MEGF6: variants seen among roughly 807,000 people sequenced by gnomAD.
MEGF6 encodes the protein multiple EGF like domains 6, also known as multiple epidermal growth factor-like domains protein 6.
MEGF6 carries 184 observed loss-of-function variants against 207.1 expected under a neutral mutation model. That is an observed-to-expected ratio of 0.89 (90% CI 0.79 to 1.00). The LOEUF (loss-of-function observed/expected upper bound fraction) is 1.00, where lower values mean the gene tolerates loss of function less well. Among genes scored for constraint, MEGF6 ranks in the 50% least tolerant of loss-of-function variants. The probability of loss-of-function intolerance (pLI) is 0.00; values close to 1 mark genes in which losing one functional copy is unlikely to be tolerated. For missense variants in MEGF6, 2,282 were observed against 2,202.9 expected, an observed-to-expected ratio of 1.04 and a Z score of -0.72; for synonymous variants, 1,038 against 910.0, an observed-to-expected ratio of 1.14 and a Z score of -2.53.
intron 4 of MEGF6, among the ~76,000 whole-genome samples, chr1:3,574,734 C>T (rs952780182): frequency 6.6e-6 from 1 of 152,198 alleles, no homozygotes; most frequent in African/African-American, 2.4e-5. Flanking sequence ...CCTCCACCTC[C>T]CAGGTTCAAT....
Position 3,511,568 on chromosome 1 carries a change from C to G in MEGF6, c.1096G>C (p.Asp366His). The change falls in exon 9 of 37, where the codon GAT becomes CAT. Residue 366 changes from aspartate to histidine, a missense_variant. By Grantham distance (81) the Asp-to-His change is moderately conservative. Transcript: ENST00000356575. ...TGCGCACCGATGCAGGTCCTCTGAT[C>G]TGTGTCCAGCTCGTAGCCGCGGGGA... is the stretch of plus-strand genomic sequence containing the variant. The part of the protein sequence containing the change: ...TCPRGYELDT[D>H]QRTCIDVDDC... The G allele has an allele frequency of 6.2e-7, 1 of 1,610,882 alleles. No homozygotes were observed. The highest frequency in any genetic ancestry group is 8.5e-7 in the Non-Finnish European group (1 of 1,178,440).
Position 3,611,233 on chromosome 1 carries a change from G to C in MEGF6, c.36C>G (p.Arg12=). 1 of 1,535,262 alleles carries C rather than the reference G, an allele frequency of 6.5e-7. No homozygotes were observed. Among genetic ancestry groups the C allele is most frequent in the South Asian group, 1.2e-5 (1 of 83,788 alleles). The change falls in exon 1 of 37, where the codon CGC becomes CGG. Residue 12 remains arginine, a synonymous_variant. Transcript: ENST00000356575. ...SFLEEARAAG[R]AVVLALVLLL... ...GCAGCACCAACGCCAGGACCACCGCGCGCCCCGCTGCCCTCGCCTCTTCAA... is the reference window on the plus strand; with the variant it reads ...GCAGCACCAACGCCAGGACCACCGCCCGCCCCGCTGCCCTCGCCTCTTCAA...
intron 2 of MEGF6, among the ~76,000 whole-genome samples, chr1:3,599,649 C>T (rs1256124464): frequency 6.6e-6 from 1 of 152,220 alleles, no homozygotes; most frequent in East Asian, 1.9e-4. Context: ...GTCACCCAGT[C>T]GTGTGACGGT....
intron 4 of MEGF6, among the ~76,000 whole-genome samples, chr1:3,558,431 T>C (rs1643097528): frequency 6.6e-6 from 1 of 152,186 alleles, no homozygotes; most frequent in African/African-American, 2.4e-5. Flanking sequence ...GGCCAGGAGT[T>C]CAATATGTTG....
intron 4 of MEGF6, among the ~76,000 whole-genome samples, chr1:3,571,233 A>C (rs1358062387): frequency 6.6e-6 from 1 of 152,116 alleles, no homozygotes; most frequent in Non-Finnish European, 1.5e-5. Flanking sequence ...AACCCAGAAC[A>C]GCCAGGAAGG....
At chr1:3,593,503 T>C (rs1570220780) in intron 3 of MEGF6, among the ~76,000 whole-genome samples, 1 of 134,264 alleles carries the variant, frequency 7.4e-6, no homozygotes, top group Non-Finnish European at 1.6e-5. Context: ...GGCTGTGCCT[T>C]CAAGTCCCCT....
chr1:3,553,360 C>G (rs1211617144), intron 4 of MEGF6, among the ~76,000 whole-genome samples: 2 of 151,944 alleles, frequency 1.3e-5, no homozygotes, highest in Non-Finnish European at 2.9e-5. Flanking sequence ...GGGTCTTTTC[C>G]TGAGAGTCTT....
chr1:3,578,832 A>G (rs1042649319), intron 4 of MEGF6, among the ~76,000 whole-genome samples: 25 of 149,008 alleles, frequency 1.7e-4, no homozygotes, highest in East Asian at 1.0e-3. Flanking sequence ...AGTGGGCAGG[A>G]GTGTCACCCA....
chr1:3,598,629 C>T (rs79675089), intron 2 of MEGF6, among the ~76,000 whole-genome samples: 7,901 of 151,978 alleles, frequency 0.052, 714 homozygotes, highest in African/African-American at 0.18. Context: ...GACCAGCCCT[C>T]CGTTCTCCTG....
At position 3,496,971 on chromosome 1, in the gene MEGF6, G is replaced by A; in HGVS notation, c.3613+17C>T. On this transcript the variant is annotated intron_variant, in intron 28 of 36. Transcript: ENST00000356575. ...GCAGCACTGCCGAGTCCCTGGGTGG[G>A]CACGGGCAGCACTCACGTTGCTGGC... 1 of 1,547,342 alleles carries A rather than the reference G, an allele frequency of 6.5e-7. No homozygotes were observed. Among genetic ancestry groups the A allele is most frequent in the Non-Finnish European group, 8.7e-7 (1 of 1,146,382 alleles).
intron 4 of MEGF6, among the ~76,000 whole-genome samples, chr1:3,533,293 G>C (rs1376104877): frequency 6.6e-6 from 1 of 152,190 alleles, no homozygotes; most frequent in African/African-American, 2.4e-5. Context: ...CTGCAGAAAT[G>C]GGCCTGCCTG....
At chr1:3,609,027 A>G (rs1246251798) in intron 1 of MEGF6, among the ~76,000 whole-genome samples, 1 of 152,196 alleles carries the variant, frequency 6.6e-6, no homozygotes, top group Admixed American at 6.5e-5. Flanking sequence ...GCTTCAACTC[A>G]GCAGCCAGTG....
At chr1:3,608,652 TG>T (rs1300000104) in intron 1 of MEGF6, among the ~76,000 whole-genome samples, 1 of 152,216 alleles carries the variant, frequency 6.6e-6, no homozygotes, top group African/African-American at 2.4e-5. Flanking sequence ...CACTCCTCTC[TG>T]TAGCCCAGCA....
chr1:3,516,131 C>T (rs780656630), intron 5 of MEGF6, among the ~76,000 whole-genome samples: 2 of 152,238 alleles, frequency 1.3e-5, no homozygotes, highest in Non-Finnish European at 2.9e-5. Context: ...ATTGCCCATG[C>T]CCCCATTCCT....
Position 3,573,153 on chromosome 1 carries a change from T to C in MEGF6, c.481+6672A>G, listed in dbSNP as rs932119000. Among the ~76,000 whole-genome samples the C allele has an allele frequency of 2.0e-5, 3 of 149,266 alleles. No individual in the cohort carries two copies. The highest frequency in any genetic ancestry group is 4.5e-5 in the Non-Finnish European group (3 of 67,288). On this transcript the variant is annotated intron_variant, in intron 4 of 36. Transcript: ENST00000356575. The surrounding 1 kb of genome is among the most constrained non-coding windows in gnomAD (Gnocchi z 5.1). ...CTGGGTCCTCCCTGGTGGGCTGTGT[T>C]CCCTCAGGTGTGCTGGGTCCTCCCT...
rs564082849 is a variant in MEGF6 at position 3,498,399 on chromosome 1, G to A, written c.3324C>T (p.Ala1108=). 60 of 1,600,712 alleles carry A rather than the reference G, an allele frequency of 3.7e-5. No homozygotes were observed. In the African/African-American group the frequency reaches 3.9e-4, roughly 10 times the overall value. ...TCTGACACTTGTCCCCAGTCCAGCC[G>A]GCTGGGCAGAGGCAGCGGCCCGTGT... ...DPHTGRCLCP[A]GWTGDKCQSP... Residue 1108 remains alanine (A), a synonymous_variant, in exon 26 of 37, where the codon GCC becomes GCT. Transcript: ENST00000356575.
In MEGF6 at chr1:3,523,074, C is replaced by CGGG. The variant is rs146272853; in HGVS notation, c.604+1047_604+1049dup. Among the ~76,000 whole-genome samples, 740 of 147,794 alleles carry CGGG rather than the reference C, an allele frequency of 5.0e-3. 1 individual carries two copies. The highest frequency in any genetic ancestry group is 0.012 in the African/African-American group (461 of 39,974). On this transcript the variant is annotated intron_variant, in intron 5 of 36. Transcript: ENST00000356575. The stretch of plus-strand genomic sequence containing the variant: ...GTGGCCGGGACATGTGAGTGTGTGC[C>CGGG]GGGGGGGGGGCCCCAGGGCTGGCGA...
intron 1 of MEGF6, 111 bp downstream of exon 1, chr1:3,611,027 A>G (rs371449197): frequency 1.5e-6 from 2 of 1,300,784 alleles, no homozygotes; most frequent in South Asian, 1.8e-5. Context: ...CAAACAGCCC[A>G]TTGTTCTGGA....
chr1:3,522,505 C>T (rs74600683), intron 5 of MEGF6, among the ~76,000 whole-genome samples: 1 of 151,774 alleles, frequency 6.6e-6, no homozygotes, highest in African/African-American at 2.4e-5. Flanking sequence ...TTCTGGGGCC[C>T]TAAGTGTGCA....
Sources: gnomAD v4.1 joint callset for allele counts (sites outside exome capture counted in the v4.1 genomes callset) on GRCh38, gnomAD v4.1.1 for gene constraint, Gnocchi (gnomAD v3.1) non-coding constraint, MANE v1.5 for transcripts, NCBI Gene and HGNC (gene_info 2026-07-23, HGNC 2026-07-21) for gene names.